The following CHD6 variants were observed in gnomAD, a reference collection of about 807,000 sequenced individuals.
The protein encoded by CHD6 is ATP-dependent chromatin remodeler CHD6.
CHD6 carries 50 observed loss-of-function variants against 276.9 expected under a neutral mutation model. That is an observed-to-expected ratio of 0.18 (90% confidence interval 0.14 to 0.23). The LOEUF (loss-of-function observed/expected upper bound fraction) is 0.23, where lower values mean the gene tolerates loss of function less well. Among genes scored for constraint, CHD6 ranks in the 10% least tolerant of loss-of-function variants. The pLI is 1.00. For synonymous variants in CHD6, 1,173 were observed against 1,229.3 expected, an observed-to-expected ratio of 0.95 and a Z score of 0.96; for missense variants, 2,564 against 3,365.8, an observed-to-expected ratio of 0.76 and a Z score of 5.89.
chr20:41,616,705 A>G (rs988737967), intron 1 of CHD6, among the ~76,000 whole-genome samples: 2 of 152,186 alleles, frequency 1.3e-5, no homozygotes, highest in Non-Finnish European at 2.9e-5. Context: ...ATATGAAACC[A>G]CCTGCTCTGC....
chr20:41,578,370 A>T (rs1359162193), intron 1 of CHD6, among the ~76,000 whole-genome samples: 1 of 152,266 alleles, frequency 6.6e-6, no homozygotes, highest in Non-Finnish European at 1.5e-5. Context: ...TATGGTGTAT[A>T]GCGAATAAAT....
intron 1 of CHD6, among the ~76,000 whole-genome samples, chr20:41,552,150 C>T (rs1179966651): frequency 6.6e-6 from 1 of 152,190 alleles, no homozygotes; most frequent in Non-Finnish European, 1.5e-5. Context: ...AGTACTACTG[C>T]CTCAGATCTG....
At chr20:41,432,662 C>T (rs1174643450) in intron 27 of CHD6, among the ~76,000 whole-genome samples, 2 of 151,942 alleles carry the variant, frequency 1.3e-5, no homozygotes, top group African/African-American at 4.8e-5. Context: ...CAGAGTCTCA[C>T]AATACAATGT....
At chr20:41,510,448 G>T (rs181713260) in intron 5 of CHD6, among the ~76,000 whole-genome samples, 1 of 152,184 alleles carries the variant, frequency 6.6e-6, no homozygotes, top group Non-Finnish European at 1.5e-5. Context: ...GCCTTGGCTC[G>T]GAGGCCAGCC....
chr20:41,517,150 T>C (rs1470066500), intron 3 of CHD6, among the ~76,000 whole-genome samples: 1 of 152,154 alleles, frequency 6.6e-6, no homozygotes, highest in Non-Finnish European at 1.5e-5. Context: ...AAGTTCATGA[T>C]GAAAGCTATT....
At position 41,423,555 on chromosome 20, in the gene CHD6, A is replaced by C; in HGVS notation, c.4492T>G (p.Tyr1498Asp). ...CACATGGCCACAAAACTATAAAAAT[A>C]CTGTTCCAGGCTCTCATCCGACTTC... ...DKKSDESLEQ[Y>D]FYSFVAMCRN... The change falls in exon 30 of 37, where the codon TAT becomes GAT. Residue 1498 changes from tyrosine to aspartate, a missense_variant. Around this residue, in one of 7 missense-constraint regions of CHD6, gnomAD observed 515 missense variants for 739.5 expected, o/e 0.70. Transcript: ENST00000373233. The C allele has an allele frequency of 6.2e-7, 1 of 1,614,248 alleles. No homozygotes were observed. Among genetic ancestry groups the C allele is most frequent in the Non-Finnish European group, 8.5e-7 (1 of 1,180,036 alleles).
Position 41,452,768 on chromosome 20 carries a change from G to A in CHD6, c.3295C>T (p.Arg1099Trp), listed in dbSNP as rs761163370. ...ARRYLRAECF[R>W]VEKNLLIFGW... ...AAGATGAGCAGGTTCTTCTCTACCC[G>A]GAAGCACTCCGCTCGGAGGTAGCGC... The change falls in exon 21 of 37, where the codon CGG becomes TGG. Residue 1099 changes from arginine (R) to tryptophan (W), a missense_variant. Around this residue, in one of 7 missense-constraint regions of CHD6, gnomAD observed 515 missense variants for 739.5 expected, o/e 0.70. Coordinates refer to ENST00000373233, the MANE Select transcript of CHD6 (RefSeq NM_032221.5). This position sits in a 1 kb window ranked among gnomAD's most constrained non-coding sequence, Gnocchi z 4.2. 6 of 1,613,288 alleles carry A rather than the reference G, an allele frequency of 3.7e-6. No homozygotes were observed. The highest frequency in any genetic ancestry group is 5.1e-6 in the Non-Finnish European group (6 of 1,179,882).
At chr20:41,504,077 C>CAAAAAGAAAAAA (rs2043910621) in intron 5 of CHD6, among the ~76,000 whole-genome samples, 1 of 27,096 alleles carries the variant, frequency 3.7e-5, no homozygotes, top group African/African-American at 1.3e-4. Flanking sequence ...GACTCTGTCT[C>CAAAAAGAAAAAA]AAAAAAAAAA....
intron 2 of CHD6, among the ~76,000 whole-genome samples, chr20:41,542,988 C>CA (rs2044973807): frequency 6.6e-6 from 1 of 151,526 alleles, no homozygotes; most frequent in Non-Finnish European, 1.5e-5. Context: ...CCTGTAATCC[C>CA]AGCTACTCAA....
chr20:41,580,515 C>T (rs1361560319), intron 1 of CHD6, among the ~76,000 whole-genome samples: 1 of 151,518 alleles, frequency 6.6e-6, no homozygotes, highest in Non-Finnish European at 1.5e-5. Flanking sequence ...ATTAGAGAAC[C>T]CAGGTGTAGT....
chr20:41,521,164 T>C (rs1053937421), intron 3 of CHD6, among the ~76,000 whole-genome samples: 1 of 152,178 alleles, frequency 6.6e-6, no homozygotes, highest in Non-Finnish European at 1.5e-5. Flanking sequence ...GAAAACAAGC[T>C]GAAACAACTG....
chr20:41,457,036 C>T (rs1042669051), intron 18 of CHD6, among the ~76,000 whole-genome samples: 1 of 152,176 alleles, frequency 6.6e-6, no homozygotes, highest in Non-Finnish European at 1.5e-5. Flanking sequence ...TTACACCAAG[C>T]TGGGCAATCC....
intron 16 of CHD6, chr20:41,482,412 A>G (rs1461032062): frequency 5.9e-6 from 2 of 338,446 alleles, no homozygotes; most frequent in Non-Finnish European, 1.2e-5. Flanking sequence ...GTGTCAGCAT[A>G]CCCATAGTTT....
At chr20:41,477,111 T>C (rs1235505694) in intron 16 of CHD6, among the ~76,000 whole-genome samples, 1 of 152,100 alleles carries the variant, frequency 6.6e-6, no homozygotes, top group East Asian at 1.9e-4. Context: ...TGGTGGCCAA[T>C]GTGCCTATCG....
intron 1 of CHD6, among the ~76,000 whole-genome samples, chr20:41,608,106 G>A (rs571169322): frequency 6.6e-6 from 1 of 152,188 alleles, no homozygotes; most frequent in African/African-American, 2.4e-5. Flanking sequence ...GATTACTGAG[G>A]GATCTGGGGA....
chr20:41,525,452 C>T (rs1290591906), intron 3 of CHD6, among the ~76,000 whole-genome samples: 1 of 152,212 alleles, frequency 6.6e-6, no homozygotes, highest in African/African-American at 2.4e-5. Context: ...TCTATGTTTG[C>T]TGCAAACACA....
In CHD6 at chr20:41,483,484, T is replaced by C. The variant is rs1327552905; in HGVS notation, c.2293A>G (p.Thr765Ala). Reference protein sequence around the residue: ...EEKILEDFRKTHSPDAPDFQL... With the variant: ...EEKILEDFRKAHSPDAPDFQL... Reference sequence around the variant, plus strand: ...AAGTCAGGGGCATCAGGGCTGTGGGTTTTTCGGAAATCTTCTAGAATTTTC... The same window carrying C: ...AAGTCAGGGGCATCAGGGCTGTGGGCTTTTCGGAAATCTTCTAGAATTTTC... Residue 765 changes from threonine (T) to alanine (A), a missense_variant, in exon 16 of 37, where the codon ACC becomes GCC. Physicochemically the swap from Thr to Ala is moderately conservative, Grantham distance 58 (BLOSUM62 0). Coordinates refer to ENST00000373233, the MANE Select transcript of CHD6 (RefSeq NM_032221.5). 2 of 1,612,722 alleles carry C rather than the reference T, an allele frequency of 1.2e-6. No homozygotes were observed. The highest frequency in any genetic ancestry group is 1.3e-5 in the African/African-American group (1 of 74,832).
At chr20:41,598,202 T>G (rs2045738465) in intron 1 of CHD6, among the ~76,000 whole-genome samples, 1 of 152,116 alleles carries the variant, frequency 6.6e-6, no homozygotes, top group South Asian at 2.1e-4. Context: ...GTTTCTAGGG[T>G]ATGGGAGCAG....
chr20:41,492,184 T>C (rs1187133901), intron 10 of CHD6, among the ~76,000 whole-genome samples: 3 of 152,230 alleles, frequency 2.0e-5, no homozygotes, highest in Non-Finnish European at 4.4e-5. Flanking sequence ...GCAGGGCCTG[T>C]ACCTTGTTTC....
Sources: allele counts gnomAD v4.1 joint callset (sites outside exome capture counted in the v4.1 genomes callset), GRCh38; gene constraint gnomAD v4.1.1; regional missense constraint gnomAD v4.1.1; non-coding constraint Gnocchi (gnomAD v3.1); transcripts MANE v1.5; gene names NCBI Gene and HGNC (gene_info 2026-07-23, HGNC 2026-07-21).